TNPO1: variants seen among roughly 807,000 people sequenced by gnomAD.
TNPO1 encodes transportin 1, also known as transportin-1.
A neutral mutation model predicts 119.5 loss-of-function variants in TNPO1; 8 were observed. The ratio of observed to expected loss-of-function variants is 0.07; its 90% CI spans 0.04 to 0.12. TNPO1 has a LOEUF of 0.12. TNPO1 is among the 10% of genes least tolerant of loss of function. The pLI is 1.00. For synonymous variants in TNPO1, 362 were observed against 363.0 expected (o/e 1.00, Z 0.03); for missense variants, 576 against 1,089.8 (o/e 0.53, Z 6.64).
chr5:72,887,625 C>G (rs527793930), intron 12 of TNPO1, among the ~76,000 whole-genome samples: 1 of 152,160 alleles, frequency 6.6e-6, no homozygotes, highest in Non-Finnish European at 1.5e-5. Context: ...GTGGTAGTTG[C>G]AGTGAGCTGA....
At chr5:72,841,071 T>G (rs1326835906) in intron 1 of TNPO1, among the ~76,000 whole-genome samples, 1 of 152,114 alleles carries the variant, frequency 6.6e-6, no homozygotes, top group African/African-American at 2.4e-5. Context: ...GTTTTGCATT[T>G]TTTTCTCTTC....
chr5:72,887,960 A>G, intron 12 of TNPO1, 118 bp from the exon 13 acceptor site: 1 of 905,036 alleles, frequency 1.1e-6, no homozygotes, highest in South Asian at 1.7e-5. Context: ...TTATTGTAGT[A>G]TGTGTATAGC....
At chr5:72,891,931 A>G (rs1198470165) in intron 15 of TNPO1, 35 bp downstream of exon 15, 5 of 1,533,754 alleles carry the variant, frequency 3.3e-6, no homozygotes, top group Admixed American at 3.7e-5. Flanking sequence ...TCTGTTGCCA[A>G]GAACACATGT....
intron 14 of TNPO1, among the ~76,000 whole-genome samples, chr5:72,891,424 C>T (rs1270831691): frequency 6.6e-6 from 1 of 151,922 alleles, no homozygotes; most frequent in Non-Finnish European, 1.5e-5. Flanking sequence ...GAGATCACGC[C>T]GCTGCACTCT....
rs114211397 is a variant in TNPO1 at position 72,834,556 on chromosome 5, G to A, written c.16-13829G>A. On this transcript the variant is annotated intron_variant, in intron 1 of 24. Coordinates refer to ENST00000337273, the MANE Select transcript of TNPO1 (RefSeq NM_002270.4). ...AACAAAAATTAATATAAAAAAGTGT[G>A]TAGAATACAGCTATAAGGAGAAAAT... 9.1e-4 allele frequency among the ~76,000 whole-genome samples: 138 copies of A among 152,330 alleles called. 1 individual carries two copies. Among genetic ancestry groups the A allele is most frequent in the Non-Finnish European group, 1.5e-3 (104 of 68,032 alleles).
chr5:72,838,390 AGCTTG>A (rs942916128), intron 1 of TNPO1, among the ~76,000 whole-genome samples: 42 of 152,152 alleles, frequency 2.8e-4, no homozygotes, highest in African/African-American at 9.2e-4. Flanking sequence ...TTTAATTATC[AGCTTG>A]GCTTATCAAC....
rs1750582000 is a variant in TNPO1, at chr5:72,911,823, G to A, written c.*3150G>A. 1 of 152,488 alleles carries A rather than the reference G, an allele frequency of 6.6e-6. No individual in the cohort carries two copies. The highest frequency in any genetic ancestry group is 2.1e-4 in the South Asian group (1 of 4,832). 9.4% of individuals were successfully genotyped at this position (152,488 alleles called of 1,614,324 possible). A position where few individuals can be genotyped will look rare whatever the true frequency, so the allele number is the denominator to read the frequency against. On this transcript the variant is annotated 3_prime_UTR_variant, in exon 25 of 25. Coordinates refer to ENST00000337273, the MANE Select transcript of TNPO1 (RefSeq NM_002270.4). ...GTTGTAGGAACCTCAGGAGGTCAGT[G>A]TTTACTGTTTTATATATGCCTTCTT...
chr5:72,873,480 C>G (rs1385388264), intron 7 of TNPO1, among the ~76,000 whole-genome samples: 1 of 152,030 alleles, frequency 6.6e-6, no homozygotes, highest in African/African-American at 2.4e-5. Flanking sequence ...TTCTGAGCAT[C>G]TTTTACCAAT....
intron 9 of TNPO1, among the ~76,000 whole-genome samples, chr5:72,880,272 A>G (rs761145380): frequency 1.3e-5 from 2 of 151,660 alleles, no homozygotes; most frequent in African/African-American, 2.4e-5. Flanking sequence ...CCCTTTTTTT[A>G]TTTTTTTAAC....
At position 72,872,937 on chromosome 5, in the gene TNPO1, T is replaced by C. The variant is rs142178425; in HGVS notation, c.678+217T>C. Among the ~76,000 whole-genome samples the C allele has an allele frequency of 1.6e-4, 24 of 152,282 alleles. No homozygotes were observed. The East Asian group carries it at 4.6e-3, about 29-fold the overall frequency. ...GCACTTTTACTAATTTTTCTACTTG[T>C]ATCATTCTACAAACACTGATTTTGG... On this transcript the variant is annotated intron_variant, in intron 7 of 24. Transcript: ENST00000337273.
intron 18 of TNPO1, among the ~76,000 whole-genome samples, chr5:72,894,008 G>A (rs947834938): frequency 1.3e-5 from 2 of 152,206 alleles, no homozygotes; most frequent in African/African-American, 4.8e-5. Flanking sequence ...CTAGTTAATA[G>A]ATTCTTTTTT....
intron 1 of TNPO1, among the ~76,000 whole-genome samples, chr5:72,845,143 T>C (rs1418373045): frequency 1.3e-5 from 2 of 151,648 alleles, no homozygotes; most frequent in African/African-American, 4.8e-5. Context: ...TTAATATTAG[T>C]GTAGTATGGA....
At chr5:72,870,182 CG>C (rs1747283363) in intron 6 of TNPO1, among the ~76,000 whole-genome samples, 1 of 69,482 alleles carries the variant, frequency 1.4e-5, no homozygotes, top group Admixed American at 2.1e-4. Flanking sequence ...TTTTTTGAGA[CG>C]GAGTTTCACT....
At chr5:72,878,825 TCAAGAG>T in intron 9 of TNPO1, 1 of 399,136 alleles carries the variant, frequency 2.5e-6, no homozygotes, top group Non-Finnish European at 5.0e-6. Flanking sequence ...CTTTTTTTCT[TCAAGAG>T]CAGAAATCCG....
At chr5:72,861,280 C>T (rs1580411625) in intron 4 of TNPO1, among the ~76,000 whole-genome samples, 1 of 152,142 alleles carries the variant, frequency 6.6e-6, no homozygotes, top group African/African-American at 2.4e-5. Flanking sequence ...CATTCTTATA[C>T]TTGGTAAATT....
At position 72,909,140 on chromosome 5, in the gene TNPO1, TA is replaced by T. The variant is rs1210668303; in HGVS notation, c.*470del. The stretch of plus-strand genomic sequence containing the variant: ...AGAAGCTTTTTTTTTTTTTTTAATT[TA>T]AAGTTTTTTTATGTAAGTTTTCCCA... On this transcript the variant is annotated 3_prime_UTR_variant, in exon 25 of 25. Transcript: ENST00000337273. The T allele has an allele frequency of 7.3e-3, 1,130 of 154,406 alleles. 13 individuals carry two copies. Among genetic ancestry groups the T allele is most frequent in the Middle Eastern group, 0.033 (10 of 304 alleles). 9.6% of individuals were successfully genotyped at this position (154,406 alleles called of 1,614,324 possible).
chr5:72,834,818 C>T (rs1366144574), intron 1 of TNPO1, among the ~76,000 whole-genome samples: 4 of 152,166 alleles, frequency 2.6e-5, no homozygotes, highest in African/African-American at 7.2e-5. Context: ...CTATAAGCTC[C>T]ATTCATGTTA....
Position 72,910,128 on chromosome 5 carries a change from A to G in TNPO1, c.*1455A>G, listed in dbSNP as rs1750460395. 6.6e-6 allele frequency: 1 copy of G among 152,544 alleles called. No homozygotes were observed. The highest frequency in any genetic ancestry group is 2.4e-5 in the African/African-American group (1 of 41,424). The allele number at this position is 152,544 out of a possible 1,614,324, so 9.4% of individuals were successfully genotyped here. Reference sequence around the variant, plus strand: ...CTTAAAGATATGTTTAAGTTAATGGATGTAATGCAGGGTTCCTACACTGTA... The same window carrying G: ...CTTAAAGATATGTTTAAGTTAATGGGTGTAATGCAGGGTTCCTACACTGTA... On this transcript the variant is annotated 3_prime_UTR_variant, in exon 25 of 25. Coordinates refer to ENST00000337273, the MANE Select transcript of TNPO1 (RefSeq NM_002270.4).
chr5:72,845,542 A>G (rs190529092), intron 1 of TNPO1, among the ~76,000 whole-genome samples: 38 of 152,288 alleles, frequency 2.5e-4, no homozygotes, highest in African/African-American at 8.9e-4. Flanking sequence ...ATTTTATCAC[A>G]CTTTTTAAAA....
Sources: allele counts gnomAD v4.1 joint callset (sites outside exome capture counted in the v4.1 genomes callset), GRCh38; gene constraint gnomAD v4.1.1; transcripts MANE v1.5; gene names NCBI Gene and HGNC (gene_info 2026-07-23, HGNC 2026-07-21).